Variants in STK24 observed in about 807,000 individuals in gnomAD.
The protein encoded by STK24 is serine/threonine-protein kinase 24.
STK24 carries 21 observed loss-of-function variants against 55.6 expected under a neutral mutation model. The observed-to-expected ratio is 0.38, with a 90% CI of 0.27 to 0.54. The LOEUF (loss-of-function observed/expected upper bound fraction) is 0.54, where lower values mean the gene tolerates loss of function less well. Among genes scored for constraint, STK24 ranks in the 20% least tolerant of loss-of-function variants. The probability of loss-of-function intolerance (pLI) is 0.79; values close to 1 mark genes in which losing one functional copy is unlikely to be tolerated. For synonymous variants in STK24, 200 were observed against 215.2 expected (o/e 0.93, Z 0.62); for missense variants, 383 against 538.4 (o/e 0.71, Z 2.86).
At chr13:98,473,326 T>G (rs1027333220) in intron 5 of STK24, among the ~76,000 whole-genome samples, 3 of 112,666 alleles carry the variant, frequency 2.7e-5, no homozygotes, top group Non-Finnish European at 3.9e-5. Flanking sequence ...CTCAGTCACA[T>G]GGTAGATCAG....
chr13:98,456,124 TCTTA>T (rs1391925299), intron 10 of STK24: 2 of 155,822 alleles, frequency 1.3e-5, no homozygotes, highest in Admixed American at 6.3e-5. Flanking sequence ...AGTTGAAATG[TCTTA>T]CTAAGAAACC....
intron 1 of STK24, among the ~76,000 whole-genome samples, chr13:98,563,431 T>C (rs1897483009): frequency 6.6e-6 from 1 of 152,210 alleles, no homozygotes; most frequent in East Asian, 1.9e-4. Flanking sequence ...CAAGTTGTTT[T>C]AGAAAGACTT....
intron 1 of STK24, among the ~76,000 whole-genome samples, chr13:98,569,300 GAA>G (rs1474764353): frequency 6.8e-6 from 1 of 147,422 alleles, no homozygotes; most frequent in South Asian, 2.1e-4. Context: ...TGAGGGAGAA[GAA>G]AAAAAATTTT....
intron 5 of STK24, among the ~76,000 whole-genome samples, chr13:98,473,136 T>G (rs532852015): frequency 3.2e-4 from 48 of 150,484 alleles, no homozygotes; most frequent in African/African-American, 1.2e-3. Context: ...GAGAAGAGAC[T>G]TTTGTTCTTG....
At chr13:98,520,494 T>C (rs991235876) in intron 1 of STK24, among the ~76,000 whole-genome samples, 4 of 152,044 alleles carry the variant, frequency 2.6e-5, no homozygotes, top group African/African-American at 9.7e-5. Context: ...GAAGCTGAAC[T>C]ACTAGGAAAA....
intron 2 of STK24, among the ~76,000 whole-genome samples, chr13:98,506,678 G>A (rs550411536): frequency 8.5e-5 from 13 of 152,304 alleles, no homozygotes; most frequent in Non-Finnish European, 1.2e-4. Context: ...CACAGCTACC[G>A]GCACCAATTC....
intron 1 of STK24, among the ~76,000 whole-genome samples, chr13:98,566,097 C>G (rs1427286958): frequency 2.0e-5 from 3 of 152,316 alleles, no homozygotes; most frequent in Middle Eastern, 3.4e-3. Context: ...CCCACACCGC[C>G]AGCTGCCCAC....
chr13:98,462,450 G>C (rs1341982161), intron 7 of STK24, among the ~76,000 whole-genome samples: 1 of 152,050 alleles, frequency 6.6e-6, no homozygotes, highest in African/African-American at 2.4e-5. Context: ...TCCCTGTCCT[G>C]TATGGGCCTC....
intron 2 of STK24, among the ~76,000 whole-genome samples, chr13:98,487,602 C>G (rs1396946753): frequency 6.6e-6 from 1 of 152,152 alleles, no homozygotes; most frequent in Non-Finnish European, 1.5e-5. Flanking sequence ...AACTTTACCC[C>G]CCTTTTACCC....
At chr13:98,505,121 G>T (rs1895637926) in intron 2 of STK24, 1 of 152,242 alleles carries the variant, frequency 6.6e-6, no homozygotes, top group South Asian at 2.1e-4. Flanking sequence ...CTAGGGACAA[G>T]TCTGTCAGCC....
rs112025891 is a variant in STK24, at chr13:98,552,658, G to A, written c.42+24087C>T. ...CCAGGGTGGCTACCGAGGGCGCCTTGAGAACCCCAAGGGCAGGCAGCTTTC... is the reference window on the plus strand; with the variant it reads ...CCAGGGTGGCTACCGAGGGCGCCTTAAGAACCCCAAGGGCAGGCAGCTTTC... On this transcript the variant is annotated intron_variant, in intron 1 of 10. Transcript: ENST00000539966. Among the ~76,000 whole-genome samples, 1,116 of 152,206 alleles carry A rather than the reference G, an allele frequency of 7.3e-3. 9 individuals are homozygous for A. Among genetic ancestry groups the A allele is most frequent in the Non-Finnish European group, 0.011 (738 of 67,998 alleles).
In STK24 at chr13:98,522,240, C is replaced by T. The variant is rs575034647; in HGVS notation, c.43-2767G>A. ...CCCTCTAGTTCCAGAAGGATCTTCACGCAGACTCCACCTTGGCTGGCCCTT... is the reference window on the plus strand; with the variant it reads ...CCCTCTAGTTCCAGAAGGATCTTCATGCAGACTCCACCTTGGCTGGCCCTT... On this transcript the variant is annotated intron_variant, in intron 1 of 10. Transcript: ENST00000539966. 5.3e-5 allele frequency among the ~76,000 whole-genome samples: 8 copies of T among 152,294 alleles called. No individual in the cohort carries two copies. In the South Asian group the frequency reaches 1.2e-3, roughly 24 times the overall value.
At chr13:98,534,497 G>T (rs9556967) in intron 1 of STK24, among the ~76,000 whole-genome samples, 72,736 of 151,994 alleles carry the variant, frequency 0.48, 18,163 homozygotes, top group Non-Finnish European at 0.55. Context: ...TACTACCTTT[G>T]TAAGGCTAAC....
At chr13:98,562,434 G>A (rs1897448412) in intron 1 of STK24, among the ~76,000 whole-genome samples, 1 of 152,114 alleles carries the variant, frequency 6.6e-6, no homozygotes. Flanking sequence ...GTTTCCAAAG[G>A]CCCTTACTAT....
intron 2 of STK24, among the ~76,000 whole-genome samples, chr13:98,499,597 T>C (rs1299981733): frequency 6.6e-6 from 1 of 152,068 alleles, no homozygotes; most frequent in Non-Finnish European, 1.5e-5. Context: ...CCTGTGTGGA[T>C]CTGAGAAGGA....
intron 2 of STK24, among the ~76,000 whole-genome samples, chr13:98,507,828 C>T (rs1316360452): frequency 6.6e-6 from 1 of 152,076 alleles, no homozygotes; most frequent in Non-Finnish European, 1.5e-5. Flanking sequence ...AGGCAGCCTC[C>T]CCTCTAACTA....
At chr13:98,569,062 C>T (rs1897665815) in intron 1 of STK24, among the ~76,000 whole-genome samples, 1 of 152,096 alleles carries the variant, frequency 6.6e-6, no homozygotes, top group Admixed American at 6.6e-5. Flanking sequence ...ACGAAAACAG[C>T]CCCACTCCAA....
chr13:98,508,156 A>G (rs1895759552), intron 2 of STK24, among the ~76,000 whole-genome samples: 1 of 150,058 alleles, frequency 6.7e-6, no homozygotes, highest in South Asian at 2.1e-4. Context: ...CTAATTATAA[A>G]GCTAATAGAA....
chr13:98,454,473 A>G (rs547226369), intron 10 of STK24: 1 of 152,338 alleles, frequency 6.6e-6, no homozygotes, highest in Admixed American at 6.5e-5. Flanking sequence ...TCTCTCCCAG[A>G]GAACAAATGG....
Sources: allele counts gnomAD v4.1 joint callset (sites outside exome capture counted in the v4.1 genomes callset), GRCh38; gene constraint gnomAD v4.1.1; transcripts MANE v1.5; gene names NCBI Gene and HGNC (gene_info 2026-07-23, HGNC 2026-07-21).